The following ADGRL3 variants were observed in gnomAD, a reference collection of about 807,000 sequenced individuals.
ADGRL3 encodes calcium-independent alpha-latrotoxin receptor 3.
ADGRL3 carries 62 observed loss-of-function variants against 153.5 expected under a neutral mutation model. That is an observed-to-expected ratio of 0.40 (90% CI 0.33 to 0.50). The LOEUF (loss-of-function observed/expected upper bound fraction) is 0.50. Ranked by LOEUF, ADGRL3 falls within the 20% of genes least tolerant of loss-of-function variation. ADGRL3 has a pLI of 0.47. For missense variants in ADGRL3, 1,641 were observed against 1,859.4 expected (o/e 0.88, Z 2.16); for synonymous variants, 710 against 672.5 (o/e 1.06, Z -0.86).
chr4:61,912,875 G>T, intron 13 of ADGRL3, 118 bp downstream of exon 13: 1 of 944,812 alleles, frequency 1.1e-6, no homozygotes, highest in Non-Finnish European at 1.6e-6. Flanking sequence ...GAATTTCATG[G>T]AGGGGGAGAA....
chr4:61,367,464 A>C (rs2096424476), intron 1 of ADGRL3, among the ~76,000 whole-genome samples: 1 of 149,166 alleles, frequency 6.7e-6, no homozygotes, highest in Non-Finnish European at 1.5e-5. Flanking sequence ...TTCAATTCCC[A>C]CCTATGAGTG....
chr4:61,615,004 C>T lies in ADGRL3; in HGVS notation c.473+27564C>T, dbSNP rs531110252. Among the ~76,000 whole-genome samples, 4 of 152,106 alleles carry T rather than the reference C, an allele frequency of 2.6e-5. No individual in the cohort carries two copies. In the South Asian group the frequency reaches 8.3e-4, roughly 32 times the overall value. ...ATGGAGGAAGAAAGAATGTATTGTT[C>T]TTCTTTCTCACTGGGACAAAAATAA... On this transcript the variant is annotated intron_variant, in intron 5 of 26. Transcript: ENST00000683033.
chr4:61,470,479 A>G (rs2097936133), intron 2 of ADGRL3, among the ~76,000 whole-genome samples: 1 of 152,106 alleles, frequency 6.6e-6, no homozygotes, highest in South Asian at 2.1e-4. Flanking sequence ...AAAATAATCC[A>G]TGTGCTTTCC....
intron 2 of ADGRL3, among the ~76,000 whole-genome samples, chr4:61,426,340 C>G (rs1312567304): frequency 1.3e-5 from 2 of 152,190 alleles, no homozygotes; most frequent in Admixed American, 1.3e-4. Flanking sequence ...TTGTCCACAC[C>G]TGATAACAAA....
At chr4:61,977,077 C>G (rs1237253555) in intron 17 of ADGRL3, among the ~76,000 whole-genome samples, 2 of 152,154 alleles carry the variant, frequency 1.3e-5, no homozygotes, top group African/African-American at 4.8e-5. Context: ...ATTTCAAGAT[C>G]TGATATTCTT....
intron 19 of ADGRL3, among the ~76,000 whole-genome samples, chr4:61,988,008 C>T (rs1233788538): frequency 4.0e-5 from 6 of 151,674 alleles, no homozygotes; most frequent in Non-Finnish European, 7.4e-5. Context: ...AAAATTGTTT[C>T]GTAGGTTAAA....
chr4:61,365,194 A>T (rs561492048), intron 1 of ADGRL3, among the ~76,000 whole-genome samples: 20 of 152,266 alleles, frequency 1.3e-4, no homozygotes, highest in East Asian at 5.8e-4. Context: ...GGAAGATTTT[A>T]AAAAAATGAA....
intron 9 of ADGRL3, among the ~76,000 whole-genome samples, chr4:61,833,016 C>T (rs556514960): frequency 1.3e-5 from 2 of 151,970 alleles, no homozygotes; most frequent in South Asian, 2.1e-4. Flanking sequence ...TGCAAGATTT[C>T]GAGGATTTTC....
intron 6 of ADGRL3, among the ~76,000 whole-genome samples, chr4:61,723,906 A>G (rs1476312050): frequency 6.6e-6 from 1 of 152,206 alleles, no homozygotes; most frequent in African/African-American, 2.4e-5. Context: ...TAATAATAGT[A>G]TCACCAAAGT....
chr4:61,591,438 T>C (rs2149401558), intron 5 of ADGRL3, among the ~76,000 whole-genome samples: 1 of 152,248 alleles, frequency 6.6e-6, no homozygotes, highest in Admixed American at 6.5e-5. Flanking sequence ...ATCTACTTTC[T>C]GTCTATATGT....
intron 8 of ADGRL3, among the ~76,000 whole-genome samples, chr4:61,748,151 G>A (rs1011595076): frequency 4.6e-5 from 7 of 151,790 alleles, no homozygotes; most frequent in African/African-American, 1.7e-4. Context: ...CAACTTACAA[G>A]GGATGTGAAG....
chr4:61,636,597 C>T (rs993703469), intron 5 of ADGRL3, among the ~76,000 whole-genome samples: 20 of 152,072 alleles, frequency 1.3e-4, no homozygotes, highest in African/African-American at 4.6e-4. Flanking sequence ...TACAGAAATG[C>T]TTTTAAAATG....
chr4:61,226,871 A>G (rs1198504371), intron 1 of ADGRL3, among the ~76,000 whole-genome samples: 3 of 152,202 alleles, frequency 2.0e-5, no homozygotes, highest in East Asian at 1.9e-4. Flanking sequence ...ATAAAGCTAT[A>G]TAAGAGTGGA....
At chr4:61,306,740 T>C (rs920475747) in intron 1 of ADGRL3, among the ~76,000 whole-genome samples, 12 of 152,288 alleles carry the variant, frequency 7.9e-5, no homozygotes, top group African/African-American at 2.6e-4. Flanking sequence ...GACAATTTTA[T>C]ACAACTATGC....
chr4:61,224,392 G>A (rs1746983507), intron 1 of ADGRL3, among the ~76,000 whole-genome samples: 2 of 152,028 alleles, frequency 1.3e-5, no homozygotes, highest in Admixed American at 1.3e-4. Flanking sequence ...TAAATGCACA[G>A]GTTTATTTTG....
At chr4:61,564,041 T>C (rs922810758) in intron 4 of ADGRL3, among the ~76,000 whole-genome samples, 7 of 152,042 alleles carry the variant, frequency 4.6e-5, no homozygotes, top group Admixed American at 6.6e-5. Context: ...TACAACCTCA[T>C]GAACCAACTT....
intron 1 of ADGRL3, among the ~76,000 whole-genome samples, chr4:61,322,606 A>G (rs888000393): frequency 2.6e-5 from 4 of 152,228 alleles, no homozygotes; most frequent in Non-Finnish European, 5.9e-5. Context: ...TACAGGCCCC[A>G]TGTGAAAATC....
At chr4:61,749,765 C>T (rs991012864) in intron 8 of ADGRL3, among the ~76,000 whole-genome samples, 10 of 151,604 alleles carry the variant, frequency 6.6e-5, no homozygotes, top group African/African-American at 1.5e-4. Context: ...TGCTAAATGA[C>T]GAGTTAATGG....
At chr4:61,985,950 A>G (rs2099083983) in intron 19 of ADGRL3, among the ~76,000 whole-genome samples, 2 of 149,666 alleles carry the variant, frequency 1.3e-5, no homozygotes, top group Non-Finnish European at 3.0e-5. Flanking sequence ...GGTTGTCCCT[A>G]AAGATGTCTT....
Sources: gnomAD v4.1 joint callset for allele counts (sites outside exome capture counted in the v4.1 genomes callset) on GRCh38, gnomAD v4.1.1 for gene constraint, MANE v1.5 for transcripts, NCBI Gene and HGNC (gene_info 2026-07-23, HGNC 2026-07-21) for gene names.